Variants in CLSTN2 observed in about 807,000 individuals in gnomAD.
The protein encoded by CLSTN2 is calsyntenin-2.
A neutral mutation model predicts 101.2 loss-of-function variants in CLSTN2; 48 were observed. The ratio of observed to expected loss-of-function variants is 0.47; its 90% CI spans 0.38 to 0.60. CLSTN2 has a LOEUF of 0.60. Among genes scored for constraint, CLSTN2 ranks in the 20% least tolerant of loss-of-function variants. CLSTN2 has a pLI of 0.00. For synonymous variants in CLSTN2, 481 were observed against 463.6 expected (o/e 1.04, Z -0.48); for missense variants, 1,160 against 1,238.2 (o/e 0.94, Z 0.95).
intron 5 of CLSTN2, among the ~76,000 whole-genome samples, chr3:140,438,918 G>T (rs2088715286): frequency 6.6e-6 from 1 of 152,194 alleles, no homozygotes; most frequent in Non-Finnish European, 1.5e-5. Flanking sequence ...GGAGAAAGCT[G>T]CAGCCGAGCC....
At chr3:140,085,839 A>G (rs1022991034) in intron 1 of CLSTN2, among the ~76,000 whole-genome samples, 3 of 152,194 alleles carry the variant, frequency 2.0e-5, no homozygotes, top group Admixed American at 6.5e-5. Context: ...TCTCAAAACT[A>G]TGGTGTGACA....
At chr3:140,345,964 C>T (rs1167209264) in intron 2 of CLSTN2, among the ~76,000 whole-genome samples, 1 of 152,158 alleles carries the variant, frequency 6.6e-6, no homozygotes, top group Non-Finnish European at 1.5e-5. Flanking sequence ...GATGTCATAG[C>T]CCATCGTCTC....
At chr3:140,261,408 T>C (rs1229688434) in intron 2 of CLSTN2, among the ~76,000 whole-genome samples, 1 of 152,212 alleles carries the variant, frequency 6.6e-6, no homozygotes, top group Non-Finnish European at 1.5e-5. Flanking sequence ...CCCTTTAATA[T>C]ATCCCCATCA....
intron 2 of CLSTN2, among the ~76,000 whole-genome samples, chr3:140,260,097 C>T (rs1458776326): frequency 6.6e-6 from 1 of 150,478 alleles, no homozygotes; most frequent in Non-Finnish European, 1.5e-5. Context: ...CAAACCTGCC[C>T]ATGTACCCCT....
intron 1 of CLSTN2, among the ~76,000 whole-genome samples, chr3:140,059,800 G>A (rs968930527): frequency 7.9e-5 from 12 of 152,034 alleles, no homozygotes; most frequent in African/African-American, 2.2e-4. Context: ...GCAATGGGAG[G>A]TATTTGTCTA....
intron 1 of CLSTN2, among the ~76,000 whole-genome samples, chr3:140,006,011 G>A (rs146504600): frequency 5.1e-4 from 78 of 152,240 alleles, no homozygotes; most frequent in African/African-American, 1.7e-3. Flanking sequence ...AAGTTCATTC[G>A]TACTACTGCT....
intron 6 of CLSTN2, among the ~76,000 whole-genome samples, chr3:140,456,589 C>G (rs184279212): frequency 2.7e-3 from 406 of 152,176 alleles, no homozygotes; most frequent in Admixed American, 4.9e-3. Context: ...GAGTTCAAGA[C>G]CAGCCTGGCC....
intron 1 of CLSTN2, among the ~76,000 whole-genome samples, chr3:140,012,165 C>T (rs1052247599): frequency 2.6e-5 from 4 of 151,766 alleles, no homozygotes; most frequent in Non-Finnish European, 5.9e-5. Flanking sequence ...CAGTACAGAG[C>T]GGGTCCAGAG....
chr3:140,421,192 C>T lies in CLSTN2; in HGVS notation c.705C>T (p.Ala235=), dbSNP rs1178506860. The part of the protein sequence containing the change: ...KQHQYEILVT[A]YDCGQKPAAQ... ...ACCAGTATGAGATCCTGGTGACCGC[C>T]TACGACTGTGGACAGAAGCCCGCTG... The change falls in exon 5 of 17, where the codon GCC becomes GCT. Residue 235 remains alanine (A), a synonymous_variant. Coordinates refer to ENST00000458420, the MANE Select transcript of CLSTN2 (RefSeq NM_022131.3). 1 of 1,614,056 alleles carries T rather than the reference C, an allele frequency of 6.2e-7. No homozygotes were observed. Among genetic ancestry groups the T allele is most frequent in the African/African-American group, 1.3e-5 (1 of 74,920 alleles).
intron 2 of CLSTN2, among the ~76,000 whole-genome samples, chr3:140,250,927 G>A (rs1224626818): frequency 6.6e-6 from 1 of 152,210 alleles, no homozygotes; most frequent in Non-Finnish European, 1.5e-5. Context: ...AAATCCAGAA[G>A]TGACAACATG....
chr3:140,195,690 C>CTTGTAGAAAGCTTTATCTATAAAGCTTT (rs1290330005), intron 2 of CLSTN2, among the ~76,000 whole-genome samples: 5 of 152,092 alleles, frequency 3.3e-5, no homozygotes, highest in Admixed American at 3.3e-4. Flanking sequence ...ATCTATAAAG[C>CTTGTAGAAAGCTTTATCTATAAAGCTTT]ATCATGTAGA....
At chr3:140,386,462 A>G (rs983236955) in intron 2 of CLSTN2, among the ~76,000 whole-genome samples, 3 of 152,214 alleles carry the variant, frequency 2.0e-5, no homozygotes, top group African/African-American at 7.2e-5. Context: ...TGTATTCAGC[A>G]GCTCTCTGAT....
chr3:140,209,588 C>A (rs2010829704), intron 2 of CLSTN2, among the ~76,000 whole-genome samples: 1 of 152,048 alleles, frequency 6.6e-6, no homozygotes, highest in Non-Finnish European at 1.5e-5. Flanking sequence ...GTGTTAGCTG[C>A]TGCTAGTCAG....
chr3:140,518,558 T>A (rs527787587), intron 8 of CLSTN2, among the ~76,000 whole-genome samples: 1 of 152,338 alleles, frequency 6.6e-6, no homozygotes, highest in African/African-American at 2.4e-5. Context: ...CAAATCCTTC[T>A]CTGGTGATCT....
intron 1 of CLSTN2, among the ~76,000 whole-genome samples, chr3:139,993,690 C>T (rs1936154337): frequency 6.6e-6 from 1 of 152,160 alleles, no homozygotes; most frequent in African/African-American, 2.4e-5. Flanking sequence ...TGCTGAGGTC[C>T]CAAACAGTGG....
At chr3:140,303,637 G>A (rs78300410) in intron 2 of CLSTN2, among the ~76,000 whole-genome samples, 4,187 of 152,060 alleles carry the variant, frequency 0.028, 196 homozygotes, top group African/African-American at 0.096. Context: ...GGAGATTATG[G>A]TGGCTTCTAG....
rs74567023 is a variant in CLSTN2, at chr3:140,344,983, C to T, written c.233-58646C>T. 1.8e-3 allele frequency among the ~76,000 whole-genome samples: 277 copies of T among 152,258 alleles called. 1 individual carries two copies. The highest frequency in any genetic ancestry group is 6.2e-3 in the African/African-American group (257 of 41,556). On this transcript the variant is annotated intron_variant, in intron 2 of 16. Coordinates refer to ENST00000458420, the MANE Select transcript of CLSTN2 (RefSeq NM_022131.3). ...AAGTGGGCAGGCCATTTGGAATGAA[C>T]CATACGAGCCGTCTGGGCACATCTG...
chr3:140,104,777 C>T (rs533241369), intron 1 of CLSTN2, among the ~76,000 whole-genome samples: 3 of 152,302 alleles, frequency 2.0e-5, no homozygotes, highest in African/African-American at 7.2e-5. Flanking sequence ...AGTTTGAGAC[C>T]AGCCTGGCCA....
At chr3:140,192,540 T>C (rs1406997046) in intron 2 of CLSTN2, among the ~76,000 whole-genome samples, 1 of 152,000 alleles carries the variant, frequency 6.6e-6, no homozygotes, top group Admixed American at 6.6e-5. Context: ...CTTTAATCAT[T>C]ATACAATGTC....
Sources: allele counts gnomAD v4.1 joint callset (sites outside exome capture counted in the v4.1 genomes callset), GRCh38; gene constraint gnomAD v4.1.1; transcripts MANE v1.5; gene names NCBI Gene and HGNC (gene_info 2026-07-23, HGNC 2026-07-21).